MTMR7: variants seen among roughly 807,000 people sequenced by gnomAD.
The protein encoded by MTMR7 is phosphatidylinositol-3-phosphate phosphatase MTMR7.
MTMR7 carries 76 observed loss-of-function variants against 81.2 expected under a neutral mutation model. That is an observed-to-expected ratio of 0.94 (90% CI 0.78 to 1.13). MTMR7 has a LOEUF of 1.13. Among genes scored for constraint, MTMR7 ranks in the 50% most tolerant of loss-of-function variants. The probability of loss-of-function intolerance (pLI) is 0.00; values close to 1 mark genes in which losing one functional copy is unlikely to be tolerated. For synonymous variants in MTMR7, 372 were observed against 289.8 expected, an observed-to-expected ratio of 1.28 and a Z score of -2.88; for missense variants, 1,044 against 820.0, an observed-to-expected ratio of 1.27 and a Z score of -3.34.
intron 3 of MTMR7, among the ~76,000 whole-genome samples, chr8:17,362,723 G>A (rs557151726): frequency 5.3e-5 from 8 of 152,184 alleles, no homozygotes; most frequent in African/African-American, 1.7e-4. Flanking sequence ...AGCTTTCCTA[G>A]GTCCTCCTAT....
chr8:17,382,617 G>A (rs543322187), intron 1 of MTMR7, among the ~76,000 whole-genome samples: 2 of 152,124 alleles, frequency 1.3e-5, no homozygotes, highest in African/African-American at 2.4e-5. Context: ...TGATATTCAC[G>A]CTACACGGCA....
At chr8:17,404,391 G>T (rs1346260189) in intron 1 of MTMR7, among the ~76,000 whole-genome samples, 3 of 152,008 alleles carry the variant, frequency 2.0e-5, no homozygotes, top group Admixed American at 1.3e-4. Flanking sequence ...TTCAGTTTGG[G>T]ACATAGTGAA....
intron 7 of MTMR7, among the ~76,000 whole-genome samples, chr8:17,325,286 G>T (rs1042644704): frequency 1.3e-5 from 2 of 152,032 alleles, no homozygotes; most frequent in African/African-American, 4.8e-5. Context: ...CACCACGATG[G>T]TGCCTCCCAC....
intron 4 of MTMR7, among the ~76,000 whole-genome samples, chr8:17,357,446 T>C (rs1202419918): frequency 6.6e-6 from 1 of 152,148 alleles, no homozygotes; most frequent in Non-Finnish European, 1.5e-5. Flanking sequence ...ACAGACAGTA[T>C]AAAAACATGC....
rs3216865 is a variant in MTMR7 at position 17,297,556 on chromosome 8, C to CTATTAAT, written c.*2305_*2306insATTAATA. On this transcript the variant is annotated 3_prime_UTR_variant, in exon 14 of 14. Coordinates refer to ENST00000180173, the MANE Select transcript of MTMR7 (RefSeq NM_004686.5). ...GCTGGGTCATGGTCAAAATTCTTAC[C>CTATTAAT]TATTTATTTCATATCAACTTTAAAA... 21 of 151,572 alleles carry CTATTAAT rather than the reference C, an allele frequency of 1.4e-4. No homozygotes were observed. Among genetic ancestry groups the CTATTAAT allele is most frequent in the African/African-American group, 4.6e-4 (19 of 41,266 alleles). 9.4% of individuals were successfully genotyped at this position (151,572 alleles called of 1,614,324 possible).
intron 1 of MTMR7, among the ~76,000 whole-genome samples, chr8:17,407,686 C>G (rs2150588194): frequency 6.6e-6 from 1 of 151,892 alleles, no homozygotes; most frequent in Admixed American, 6.6e-5. Flanking sequence ...CAAAATTGAA[C>G]TGGGTGATCC....
At chr8:17,390,087 A>C (rs1225434677) in intron 1 of MTMR7, among the ~76,000 whole-genome samples, 2 of 151,386 alleles carry the variant, frequency 1.3e-5, no homozygotes, top group East Asian at 3.9e-4. Flanking sequence ...AAAAAAAAAA[A>C]AGAAATCCCT....
At position 17,299,827 on chromosome 8, in the gene MTMR7, A is replaced by G. The variant is rs761028566; in HGVS notation, c.*35T>C. On this transcript the variant is annotated 3_prime_UTR_variant, in exon 14 of 14. Transcript: ENST00000180173. ...TCCCTTGTTTTTGGAAGTGTTGCTT[A>G]TGTGTCCTTTACTTTGGAACTCCAA... 12 of 1,607,698 alleles carry G rather than the reference A, an allele frequency of 7.5e-6. No individual in the cohort carries two copies. The highest frequency in any genetic ancestry group is 2.7e-5 in the African/African-American group (2 of 74,704).
At chr8:17,327,781 A>C (rs1161585767) in intron 7 of MTMR7, among the ~76,000 whole-genome samples, 1 of 152,234 alleles carries the variant, frequency 6.6e-6, no homozygotes, top group African/African-American at 2.4e-5. Flanking sequence ...TTGGGTGGCA[A>C]ATGGTACTTT....
Position 17,358,944 on chromosome 8 carries a change from G to C in MTMR7, c.468+2173C>G, listed in dbSNP as rs1009511238. On this transcript the variant is annotated intron_variant, in intron 4 of 13. Transcript: ENST00000180173. Reference sequence around the variant, plus strand: ...AGGTTTCATTTTGTTGCCCAAGCTAGAGTGCATGGCGCGATCATGGCTCAC... The same window carrying C: ...AGGTTTCATTTTGTTGCCCAAGCTACAGTGCATGGCGCGATCATGGCTCAC... 5.9e-5 allele frequency among the ~76,000 whole-genome samples: 9 copies of C among 152,290 alleles called. No homozygotes were observed. The East Asian group carries it at 1.4e-3, about 23-fold the overall frequency.
At position 17,341,495 on chromosome 8, in the gene MTMR7, G is replaced by A. The variant is rs375094903; in HGVS notation, c.600C>T (p.Ala200=). ...VLSYYYKDNH[A]SICRSSQPLS... ...GGGGCTGGCTGCTCCGGCAGATGGAGGCCTAGGGGGAGAGGTCACAGCAAC... is the reference window on the plus strand; with the variant it reads ...GGGGCTGGCTGCTCCGGCAGATGGAAGCCTAGGGGGAGAGGTCACAGCAAC... Residue 200 remains alanine, a splice_region_variant and synonymous_variant, in exon 6 of 14, where the codon GCC becomes GCT. Coordinates refer to ENST00000180173, the MANE Select transcript of MTMR7 (RefSeq NM_004686.5). 9.4e-5 allele frequency: 151 copies of A among 1,613,370 alleles called. No homozygotes were observed. Among genetic ancestry groups the A allele is most frequent in the Non-Finnish European group, 1.2e-4 (145 of 1,179,998 alleles).
intron 1 of MTMR7, among the ~76,000 whole-genome samples, chr8:17,382,427 G>A (rs1198208672): frequency 6.6e-6 from 1 of 152,138 alleles, no homozygotes; most frequent in Non-Finnish European, 1.5e-5. Flanking sequence ...TAGAGCACTT[G>A]GTAACATTTC....
At chr8:17,354,800 G>A (rs925013797) in intron 4 of MTMR7, among the ~76,000 whole-genome samples, 6 of 152,186 alleles carry the variant, frequency 3.9e-5, no homozygotes, top group African/African-American at 7.2e-5. Flanking sequence ...TGGATTATTA[G>A]TCAAAAATTT....
chr8:17,340,887 AT>A, intron 6 of MTMR7, among the ~76,000 whole-genome samples: 1 of 152,154 alleles, frequency 6.6e-6, no homozygotes, highest in Non-Finnish European at 1.5e-5. Context: ...TGAAAAAAAT[AT>A]TTTTTAATTT....
intron 1 of MTMR7, among the ~76,000 whole-genome samples, chr8:17,412,928 TAA>T (rs1377099786): frequency 6.6e-6 from 1 of 152,132 alleles, no homozygotes; most frequent in Admixed American, 6.5e-5. Context: ...GGCCAACAGC[TAA>T]AAGAGAAAGC....
In MTMR7 at chr8:17,413,281, GA is replaced by G. The variant is rs1821788831; in HGVS notation, c.11del (p.Ile4ThrfsTer12). On this transcript the variant is annotated frameshift_variant, in exon 1 of 14. Transcript: ENST00000180173. LOFTEE classifies it high-confidence loss of function. Reference protein sequence around the residue: MEHIRTPKVENVRL... With the variant: MEHXRTPKVENVRL... ...TGGTGTCACCAACCTTGGGCGTACG[GA>G]TGTGCTCCATGGCTGGCCCACGTCT... 1 of 1,547,260 alleles carries G rather than the reference GA, an allele frequency of 6.5e-7. No homozygotes were observed. The highest frequency in any genetic ancestry group is 8.7e-7 in the Non-Finnish European group (1 of 1,144,730).
chr8:17,389,567 G>A (rs1821043059), intron 1 of MTMR7, among the ~76,000 whole-genome samples: 1 of 152,310 alleles, frequency 6.6e-6, no homozygotes, highest in Non-Finnish European at 1.5e-5. Context: ...AAGCACAGAT[G>A]CTAAGTATTT....
chr8:17,327,284 T>C (rs183685314), intron 7 of MTMR7, among the ~76,000 whole-genome samples: 2 of 152,270 alleles, frequency 1.3e-5, no homozygotes, highest in African/African-American at 4.8e-5. Flanking sequence ...TTATTTTATT[T>C]TTGAGACAGA....
At chr8:17,410,920 A>G (rs1821719958) in intron 1 of MTMR7, among the ~76,000 whole-genome samples, 1 of 152,202 alleles carries the variant, frequency 6.6e-6, no homozygotes, top group African/African-American at 2.4e-5. Context: ...GTGGGCCAGA[A>G]AAACAAACTT....
Sources: gnomAD v4.1 joint callset for allele counts (sites outside exome capture counted in the v4.1 genomes callset) on GRCh38, gnomAD v4.1.1 for gene constraint, MANE v1.5 for transcripts, NCBI Gene and HGNC (gene_info 2026-07-23, HGNC 2026-07-21) for gene names.